TTC22: variants seen among roughly 807,000 people sequenced by gnomAD.
TTC22 encodes tetratricopeptide repeat protein 22.
TTC22 carries 42 observed loss-of-function variants against 48.2 expected under a neutral mutation model. The observed-to-expected ratio is 0.87, with a 90% confidence interval of 0.68 to 1.13. TTC22 has a LOEUF of 1.13. Among genes scored for constraint, TTC22 ranks in the 50% most tolerant of loss-of-function variants. The pLI, the probability that TTC22 is intolerant of heterozygous loss-of-function variation, is 0.00. For synonymous variants in TTC22, 345 were observed against 365.5 expected (o/e 0.94, Z 0.64); for missense variants, 784 against 807.0 (o/e 0.97, Z 0.34).
Position 54,800,615 on chromosome 1 carries a change from C to A in TTC22, c.549G>T (p.Ala183=). Residue 183 remains alanine, a synonymous_variant, in exon 1 of 7, where the codon GCG becomes GCT. Transcript: ENST00000371276. ...CACCTACCTGCTGCCCGTAGCCTAG[C>A]GCCTTGTCGTAGAGCGCGATGCCTG... ...LAAGIALYDK[A]LGYGQQIPME... 4 of 1,540,736 alleles carry A rather than the reference C, an allele frequency of 2.6e-6. No homozygotes were observed. Among genetic ancestry groups the A allele is most frequent in the Admixed American group, 2.0e-5 (1 of 49,630 alleles).
In TTC22 at chr1:54,779,919, A is replaced by T. The variant is rs1425555142; in HGVS notation, c.*1324T>A. The T allele has an allele frequency of 6.6e-6, 1 of 152,136 alleles. No individual in the cohort carries two copies. Among genetic ancestry groups the T allele is most frequent in the Non-Finnish European group, 1.5e-5 (1 of 68,070 alleles). The allele number at this position is 152,136 out of a possible 1,614,324, so 9.4% of individuals were successfully genotyped here. A position where few individuals can be genotyped will look rare whatever the true frequency, so the allele number is the denominator to read the frequency against. Reference sequence around the variant, plus strand: ...GTCTGTTCTCCATCCATCAGTGGATATGTGAGATGCAATGCAGGGGTGCTG... The same window carrying T: ...GTCTGTTCTCCATCCATCAGTGGATTTGTGAGATGCAATGCAGGGGTGCTG... On this transcript the variant is annotated 3_prime_UTR_variant, in exon 7 of 7. Coordinates refer to ENST00000371276, the MANE Select transcript of TTC22 (RefSeq NM_001114108.2).
rs142120104 is a variant in TTC22 at position 54,787,721 on chromosome 1, G to A, written c.729C>T (p.Pro243=). The change falls in exon 3 of 7, where the codon CCC becomes CCT. Residue 243 remains proline, a synonymous_variant. Coordinates refer to ENST00000371276, the MANE Select transcript of TTC22 (RefSeq NM_001114108.2). ...CCCCCGGGTCCCCACCTCGGTGGCG[G>A]GGGTCCTCGGACTTCAGCACTTGCC... is the stretch of plus-strand genomic sequence containing the variant. ...LLRQVLKSED[P]RHRALAWCYL... 5.7e-3 allele frequency: 9,176 copies of A among 1,612,262 alleles called. 34 individuals carry two copies. The highest frequency in any genetic ancestry group is 9.6e-3 in the Middle Eastern group (58 of 6,048).
At chr1:54,784,812 G>T in intron 5 of TTC22, 2 of 1,299,830 alleles carry the variant, frequency 1.5e-6, no homozygotes, top group South Asian at 2.5e-5. Flanking sequence ...GCTCCGAGTC[G>T]GCTTCCTCAA....
chr1:54,793,769 C>G (rs2101465623), intron 1 of TTC22, among the ~76,000 whole-genome samples: 2 of 152,306 alleles, frequency 1.3e-5, no homozygotes, highest in Admixed American at 1.3e-4. Flanking sequence ...ATTAGACTTT[C>G]TCAAGGGTTA....
intron 1 of TTC22, among the ~76,000 whole-genome samples, chr1:54,797,575 G>C (rs1426318603): frequency 1.3e-5 from 2 of 152,210 alleles, no homozygotes; most frequent in Non-Finnish European, 2.9e-5. Context: ...TTGAACCCGG[G>C]AGGCAGAGGT....
chr1:54,786,259 G>T, intron 4 of TTC22, 115 bp from the exon 5 acceptor site: 1 of 978,310 alleles, frequency 1.0e-6, no homozygotes, highest in Non-Finnish European at 1.5e-6. Context: ...TCAACATGGT[G>T]CCCTTTACCC....
At position 54,787,007 on chromosome 1, in the gene TTC22, C is replaced by T. The variant is rs781444388; in HGVS notation, c.808G>A (p.Val270Ile). ...GTCCCTGAGTACCCGCAGTCATGGA[C>T]GCCCATGGGGGTGGTGGAGAAGGTG... ...KDTFSTTPMG[V>I]HDCGYSGTDP... The change falls in exon 4 of 7, where the codon GTC becomes ATC. Residue 270 changes from valine (V) to isoleucine (I), a missense_variant. Physicochemically the swap from Val to Ile is conservative, Grantham distance 29. Coordinates refer to ENST00000371276, the MANE Select transcript of TTC22 (RefSeq NM_001114108.2). The T allele has an allele frequency of 7.7e-6, 12 of 1,563,192 alleles. No homozygotes were observed. Among genetic ancestry groups the T allele is most frequent in the East Asian group, 2.4e-5 (1 of 41,650 alleles).
At chr1:54,782,107 A>G (rs929043462) in intron 6 of TTC22, among the ~76,000 whole-genome samples, 1 of 152,254 alleles carries the variant, frequency 6.6e-6, no homozygotes, top group African/African-American at 2.4e-5. Flanking sequence ...TAGATAAAGA[A>G]TAATGCCCAC....
Position 54,800,633 on chromosome 1 carries a change from G to T in TTC22, c.531C>A (p.Ile177=). The change falls in exon 1 of 7, where the codon ATC becomes ATA. Residue 177 remains isoleucine (I), a synonymous_variant. Coordinates refer to ENST00000371276, the MANE Select transcript of TTC22 (RefSeq NM_001114108.2). Reference sequence around the variant, plus strand: ...AGCCTAGCGCCTTGTCGTAGAGCGCGATGCCTGCCGCCAGCCCCCGCGCAC... The same window carrying T: ...AGCCTAGCGCCTTGTCGTAGAGCGCTATGCCTGCCGCCAGCCCCCGCGCAC... ...EERARGLAAG[I]ALYDKALGYG... is the part of the protein sequence containing the mutation. 2.6e-6 allele frequency: 4 copies of T among 1,552,902 alleles called. No individual in the cohort carries two copies. The highest frequency in any genetic ancestry group is 3.4e-6 in the Non-Finnish European group (4 of 1,161,178).
Position 54,782,426 on chromosome 1 carries a change from C to T in TTC22, c.1072G>A (p.Gly358Arg), listed in dbSNP as rs1291476338. 5 of 1,551,342 alleles carry T rather than the reference C, an allele frequency of 3.2e-6. No individual in the cohort carries two copies. Among genetic ancestry groups the T allele is most frequent in the East Asian group, 4.9e-5 (2 of 40,918 alleles). The change falls in exon 6 of 7, where the codon GGG becomes AGG. Residue 358 changes from glycine (G) to arginine (R), a missense_variant. Gly to Arg is a moderately radical substitution (Grantham distance 125). Transcript: ENST00000371276. ...AGGTGGTTCCTGTCAGGCATGCCCC[C>T]GAGACCCATCTTGGCCCGCTTGAGG... ...HDLKRAKMGL[G>R]GMPDRNHLAC...
chr1:54,793,248 T>C (rs1054397731), intron 1 of TTC22, among the ~76,000 whole-genome samples: 1 of 152,180 alleles, frequency 6.6e-6, no homozygotes, highest in Admixed American at 6.5e-5. Context: ...GCGAGGCCCA[T>C]GTTGACCCTA....
Position 54,801,013 on chromosome 1 carries a change from C to T in TTC22, c.151G>A (p.Glu51Lys), listed in dbSNP as rs201630726. 1.2e-5 allele frequency: 20 copies of T among 1,610,200 alleles called. No homozygotes were observed. The African/African-American group carries it at 2.3e-4, about 18-fold the overall frequency. The change falls in exon 1 of 7, where the codon GAG becomes AAG. Residue 51 changes from glutamate (E) to lysine (K), a missense_variant. Physicochemically the swap from Glu to Lys is moderately conservative, Grantham distance 56. Transcript: ENST00000371276. The part of the protein sequence containing the change: ...QRARDLKLQR[E>K]GLRQELQLAA... ...AGCTGGAGCTCCTGCCGCAGACCCT[C>T]CCGCTGCAGCTTCAGGTCCCGGGCG...
rs569564034 is a variant in TTC22 at position 54,798,954 on chromosome 1, A to C, written c.567+1643T>G. 3.9e-4 allele frequency among the ~76,000 whole-genome samples: 60 copies of C among 152,208 alleles called. 1 individual carries two copies. The highest frequency in any genetic ancestry group is 1.4e-3 in the African/African-American group (59 of 41,530). On this transcript the variant is annotated intron_variant, in intron 1 of 6. Coordinates refer to ENST00000371276, the MANE Select transcript of TTC22 (RefSeq NM_001114108.2). ...CTAGGTGCTCAGAACGAAACCTCTG[A>C]CTCTAAAAGTGATGCAACCATCATT... is the stretch of plus-strand genomic sequence containing the variant.
Position 54,781,408 on chromosome 1 carries a change from C to T in TTC22, c.1545G>A (p.Gln515=). 4 of 1,398,344 alleles carry T rather than the reference C, an allele frequency of 2.9e-6. No homozygotes were observed. The highest frequency in any genetic ancestry group is 1.6e-5 in the South Asian group (1 of 64,462). 86.6% of individuals were successfully genotyped at this position (1,398,344 alleles called of 1,614,324 possible). Residue 515 remains glutamine, a synonymous_variant, in exon 7 of 7, where the codon CAG becomes CAA. Coordinates refer to ENST00000371276, the MANE Select transcript of TTC22 (RefSeq NM_001114108.2). Reference sequence around the variant, plus strand: ...GCCCGCGCCACACGCGCTGCAGCTCCTGGCGCAGGCGCGCCGCGGGGTACT... The same window carrying T: ...GCCCGCGCCACACGCGCTGCAGCTCTTGGCGCAGGCGCGCCGCGGGGTACT... ...QDKYPAARLR[Q]ELQRVWRGHT...
chr1:54,796,079 T>C (rs886738), intron 1 of TTC22, among the ~76,000 whole-genome samples: 96,735 of 152,292 alleles, frequency 0.64, 30,772 homozygotes, highest in South Asian at 0.7. Context: ...AGCACTTGTG[T>C]GCACAGTGCC....
chr1:54,787,979 G>T, intron 2 of TTC22, 63 bp downstream of exon 2: 2 of 1,563,804 alleles, frequency 1.3e-6, no homozygotes, highest in Non-Finnish European at 1.8e-6. Context: ...TACCCTGCTG[G>T]CTGGGTGCCA....
intron 1 of TTC22, among the ~76,000 whole-genome samples, chr1:54,799,915 C>T (rs560278258): frequency 2.6e-5 from 4 of 152,346 alleles, no homozygotes; most frequent in South Asian, 2.1e-4. Flanking sequence ...CTATCTCCAT[C>T]TTACAGGGAG....
At position 54,801,035 on chromosome 1, in the gene TTC22, G is replaced by A; in HGVS notation, c.129C>T (p.Ala43=). 1 of 1,611,930 alleles carries A rather than the reference G, an allele frequency of 6.2e-7. No homozygotes were observed. The highest frequency in any genetic ancestry group is 8.5e-7 in the Non-Finnish European group (1 of 1,179,644). The change falls in exon 1 of 7, where the codon GCC becomes GCT. Residue 43 remains alanine, a synonymous_variant. Transcript: ENST00000371276. The stretch of plus-strand genomic sequence containing the variant: ...CCTCCCGCTGCAGCTTCAGGTCCCG[G>A]GCGCGCTGTGGGGCCGGCGAGCGCG... ...FEPRSPAPQR[A]RDLKLQREGL...
In TTC22 at chr1:54,800,637, C is replaced by A. The variant is rs1314478943; in HGVS notation, c.527G>T (p.Gly176Val). ...TAGCGCCTTGTCGTAGAGCGCGATG[C>A]CTGCCGCCAGCCCCCGCGCACGCTC... ...PEERARGLAAGIALYDKALGY... is the reference protein window; with the variant it reads ...PEERARGLAAVIALYDKALGY... Residue 176 changes from glycine to valine, a missense_variant, in exon 1 of 7, where the codon GGC becomes GTC. Coordinates refer to ENST00000371276, the MANE Select transcript of TTC22 (RefSeq NM_001114108.2). 6.4e-7 allele frequency: 1 copy of A among 1,554,086 alleles called. No homozygotes were observed. The highest frequency in any genetic ancestry group is 2.4e-5 in the East Asian group (1 of 41,074).
Sources: allele counts gnomAD v4.1 joint callset (sites outside exome capture counted in the v4.1 genomes callset), GRCh38; gene constraint gnomAD v4.1.1; transcripts MANE v1.5; gene names NCBI Gene and HGNC (gene_info 2026-07-23, HGNC 2026-07-21).